PEX6: variants seen among roughly 807,000 people sequenced by gnomAD.
PEX6 encodes peroxisomal biogenesis factor 6.
A neutral mutation model predicts 85.6 loss-of-function variants in PEX6; 55 were observed. The ratio of observed to expected loss-of-function variants is 0.64; its 90% CI spans 0.52 to 0.80. PEX6 has a LOEUF of 0.80. PEX6 is among the 30% of genes least tolerant of loss of function. The pLI is 0.00. For synonymous variants in PEX6, 519 were observed against 549.1 expected (o/e 0.95, Z 0.77); for missense variants, 1,099 against 1,260.3 (o/e 0.87, Z 1.94).
chr6:42,964,087 C>T lies in PEX6; in HGVS notation c.*248G>A, dbSNP rs1231918670. The T allele has an allele frequency of 1.7e-6, 1 of 592,686 alleles. No individual in the cohort carries two copies. The highest frequency in any genetic ancestry group is 2.8e-5 in the East Asian group (1 of 35,270). 36.7% of individuals were successfully genotyped at this position (592,686 alleles called of 1,614,324 possible). ...AATCCCCAGAACCCAAGGCCCTGGC[C>T]CTCTTCCTGAGTAGATGGGCCTTTC... On this transcript the variant is annotated 3_prime_UTR_variant, in exon 17 of 17. Coordinates refer to ENST00000304611, the MANE Select transcript of PEX6 (RefSeq NM_000287.4). The surrounding 1 kb of genome is among the most constrained non-coding windows in gnomAD (Gnocchi z 4.6).
chr6:42,966,527 TG>T lies in PEX6; in HGVS notation c.2091del (p.Lys698ArgfsTer16). 1 of 1,614,140 alleles carries T rather than the reference TG, an allele frequency of 6.2e-7. No individual in the cohort carries two copies. On this transcript the variant is annotated frameshift_variant, in exon 10 of 17. Coordinates refer to ENST00000304611, the MANE Select transcript of PEX6 (RefSeq NM_000287.4). LOFTEE classifies it high-confidence loss of function. ...ACCTCCAAGGACTTGGTCTCCACCT[TG>T]GGGGCTCCAACGGCCTGGGAGTGAG... ...QTAHSQAVGA[P>X]KIPSVSWHDV...
intron 5 of PEX6, 43 bp downstream of exon 5, chr6:42,969,625 T>G: frequency 6.2e-7 from 1 of 1,611,472 alleles, no homozygotes; most frequent in East Asian, 2.2e-5. Flanking sequence ...AGGGATGTTC[T>G]AAGCAGGCTT....
chr6:42,965,832 G>GT lies in PEX6; in HGVS notation c.2363-44dup, dbSNP rs748782882. On this transcript the variant is annotated intron_variant, in intron 12 of 16. Coordinates refer to ENST00000304611, the MANE Select transcript of PEX6 (RefSeq NM_000287.4). This position sits in a 1 kb window ranked among gnomAD's most constrained non-coding sequence, Gnocchi z 5.0. ...CCCACAGGAGGGCAAAGCTCGGCTT[G>GT]TGGGGGGTTGAAGTTAGGTGAGAGC... The GT allele has an allele frequency of 1.1e-5, 17 of 1,556,302 alleles. No individual in the cohort carries two copies. The South Asian group carries it at 1.9e-4, about 17-fold the overall frequency.
rs781648628 is a variant in PEX6 at position 42,965,330 on chromosome 6, T to C, written c.2510A>G (p.His837Arg). ...SQLLAELDGL[H>R]STQDVFVIGA... Reference sequence around the variant, plus strand: ...AATCACAAACACATCCTGAGTGCTGTGCAGCCCATCTAGCTCGGCAAGGAG... The same window carrying C: ...AATCACAAACACATCCTGAGTGCTGCGCAGCCCATCTAGCTCGGCAAGGAG... Residue 837 changes from histidine (H) to arginine (R), a missense_variant, in exon 14 of 17, where the codon CAC (histidine) becomes CGC (arginine). Coordinates refer to ENST00000304611, the MANE Select transcript of PEX6 (RefSeq NM_000287.4). The surrounding 1 kb of genome is among the most constrained non-coding windows in gnomAD (Gnocchi z 5.0). 6.2e-7 allele frequency: 1 copy of C among 1,614,122 alleles called. No homozygotes were observed.
chr6:42,973,651 G>A (rs1181872616), intron 3 of PEX6, among the ~76,000 whole-genome samples: 1 of 151,984 alleles, frequency 6.6e-6, no homozygotes, highest in Non-Finnish European at 1.5e-5. Flanking sequence ...TCAAGAGTTC[G>A]AGCCCAGCCT....
rs1451208528 is a variant in PEX6 at position 42,974,038 on chromosome 6, T to C, written c.1095A>G (p.Val365=). The change falls in exon 3 of 17, where the codon GTA becomes GTG. Residue 365 remains valine (V), a synonymous_variant. Transcript: ENST00000304611. Reference sequence around the variant, plus strand: ...TCTCTGGACTTCCTTCCAGGATCTCTACTTGCCCAATTGTTGGCACACATA... The same window carrying C: ...TCTCTGGACTTCCTTCCAGGATCTCCACTTGCCCAATTGTTGGCACACATA... ...DVLCVPTIGQ[V]EILEGSPEKL... 2 of 1,613,856 alleles carry C rather than the reference T, an allele frequency of 1.2e-6. No homozygotes were observed. The highest frequency in any genetic ancestry group is 4.5e-5 in the East Asian group (2 of 44,888).
In PEX6 at chr6:42,974,865, G is replaced by A; in HGVS notation, c.1046+10C>T. On this transcript the variant is annotated intron_variant, in intron 2 of 16. Coordinates refer to ENST00000304611, the MANE Select transcript of PEX6 (RefSeq NM_000287.4). ...AGAAGCTATCCTCCTTAAAAGGTTA[G>A]GTAGCTAACCTGGGTATCTGAAAGT... 1 of 1,612,614 alleles carries A rather than the reference G, an allele frequency of 6.2e-7. No individual in the cohort carries two copies. Among genetic ancestry groups the A allele is most frequent in the Non-Finnish European group, 8.5e-7 (1 of 1,178,708 alleles).
chr6:42,977,508 T>C (rs935691896), intron 1 of PEX6, among the ~76,000 whole-genome samples: 5 of 152,038 alleles, frequency 3.3e-5, no homozygotes, highest in Non-Finnish European at 5.9e-5. Flanking sequence ...TATGGATCAA[T>C]AGGCCGGGTG....
intron 3 of PEX6, among the ~76,000 whole-genome samples, chr6:42,973,172 C>T (rs566614730): frequency 2.0e-5 from 3 of 151,290 alleles, no homozygotes; most frequent in East Asian, 2.0e-4. Context: ...CCATCACACC[C>T]GGCTAATTTT....
At chr6:42,969,575 C>A in intron 5 of PEX6, 93 bp downstream of exon 5, 2 of 1,495,884 alleles carry the variant, frequency 1.3e-6, no homozygotes, top group Non-Finnish European at 1.9e-6. Flanking sequence ...CCCACTCTGG[C>A]CAGTTCATTA....
In PEX6 at chr6:42,966,301, G is replaced by A. The variant is rs2114239728; in HGVS notation, c.2241C>T (p.Gly747=). Residue 747 remains glycine, a synonymous_variant, in exon 11 of 17, where the codon GGC becomes GGT. Coordinates refer to ENST00000304611, the MANE Select transcript of PEX6 (RefSeq NM_000287.4). ...RSGLLLHGPP[G]TGKTLLAKAV... Reference sequence around the variant, plus strand: ...CCTTGGCCAGAAGGGTCTTGCCGGTGCCAGGGGGCCCATGGAGCAGAAGGC... The same window carrying A: ...CCTTGGCCAGAAGGGTCTTGCCGGTACCAGGGGGCCCATGGAGCAGAAGGC... 1 of 1,612,630 alleles carries A rather than the reference G, an allele frequency of 6.2e-7. No homozygotes were observed. The highest frequency in any genetic ancestry group is 8.5e-7 in the Non-Finnish European group (1 of 1,179,988).
chr6:42,969,725 C>T lies in PEX6; in HGVS notation c.1310G>A (p.Gly437Asp), dbSNP rs771063294. The T allele has an allele frequency of 6.2e-7, 1 of 1,613,474 alleles. No homozygotes were observed. Among genetic ancestry groups the T allele is most frequent in the Admixed American group, 1.7e-5 (1 of 60,018 alleles). The change falls in exon 5 of 17, where the codon GGC becomes GAC. Residue 437 changes from glycine to aspartate, a missense_variant. By Grantham distance (94) the Gly-to-Asp change is moderately conservative. This residue lies in a region of PEX6 where 579 missense variants were observed against 611.6 expected (regional missense o/e 0.95). Coordinates refer to ENST00000304611, the MANE Select transcript of PEX6 (RefSeq NM_000287.4). ...GAGTTCAGACACCAAGGCCTCCAGG[C>T]CTGGAGGAGACAAACTGCTCCAGAG... ...STLWSSLSPP[G>D]LEALVSELCA...
At position 42,978,355 on chromosome 6, in the gene PEX6, G is replaced by A; in HGVS notation, c.796C>T (p.Leu266Phe). 6.2e-7 allele frequency: 1 copy of A among 1,614,238 alleles called. No individual in the cohort carries two copies. The highest frequency in any genetic ancestry group is 1.1e-5 in the South Asian group (1 of 91,084). ...GPGSGPLGEP[L>F]ADGLALVPAT... is the part of the protein sequence containing the mutation. ...GGGACAAGCGCCAGTCCGTCAGCGA[G>A]GGGCTCTCCCAGCGGTCCAGAGCCG... Residue 266 changes from leucine to phenylalanine, a missense_variant, in exon 1 of 17, where the codon CTC becomes TTC. Transcript: ENST00000304611.
chr6:42,969,872 C>T lies in PEX6; in HGVS notation c.1233+13G>A. 1.2e-6 allele frequency: 2 copies of T among 1,614,164 alleles called. No homozygotes were observed. The highest frequency in any genetic ancestry group is 1.7e-6 in the Non-Finnish European group (2 of 1,179,996). On this transcript the variant is annotated intron_variant, in intron 4 of 16. Coordinates refer to ENST00000304611, the MANE Select transcript of PEX6 (RefSeq NM_000287.4). ...CCCCCTGCGCTGGTCTACACCCATC[C>T]TTGGGGCCTCACCATGTACAAGGAG... is the stretch of plus-strand genomic sequence containing the variant.
At chr6:42,974,749 C>T (rs1770215116) in intron 2 of PEX6, 126 bp downstream of exon 2, 9 of 880,912 alleles carry the variant, frequency 1.0e-5, no homozygotes, top group African/African-American at 1.6e-5. Context: ...ACGTGAGCCA[C>T]AGCACCTAGC....
In PEX6 at chr6:42,965,833, T is replaced by TG; in HGVS notation, c.2363-45dup. 6.4e-7 allele frequency: 1 copy of TG among 1,556,982 alleles called. No homozygotes were observed. The highest frequency in any genetic ancestry group is 8.9e-7 in the Non-Finnish European group (1 of 1,128,978). ...CCACAGGAGGGCAAAGCTCGGCTTGTGGGGGGTTGAAGTTAGGTGAGAGCA... is the reference window on the plus strand; with the variant it reads ...CCACAGGAGGGCAAAGCTCGGCTTGTGGGGGGGTTGAAGTTAGGTGAGAGCA... On this transcript the variant is annotated intron_variant, in intron 12 of 16. Transcript: ENST00000304611. This position sits in a 1 kb window ranked among gnomAD's most constrained non-coding sequence, Gnocchi z 5.0.
At position 42,965,269 on chromosome 6, in the gene PEX6, G is replaced by A; in HGVS notation, c.2571C>T (p.Ala857=). 2 of 1,614,002 alleles carry A rather than the reference G, an allele frequency of 1.2e-6. No homozygotes were observed. The highest frequency in any genetic ancestry group is 1.6e-4 in the Middle Eastern group (1 of 6,062). ...ATNRPDLLDP[A]LLRPGRFDKL... ...GGGCCCACCTGCCAGGCCGCAGAAG[G>A]GCAGGGTCCAGGAGATCTGGTCTGT... is the stretch of plus-strand genomic sequence containing the variant. Residue 857 remains alanine (A), a synonymous_variant, in exon 14 of 17, where the codon GCC becomes GCT. Coordinates refer to ENST00000304611, the MANE Select transcript of PEX6 (RefSeq NM_000287.4). The surrounding 1 kb of genome is among the most constrained non-coding windows in gnomAD (Gnocchi z 5.0).
chr6:42,975,339 A>T (rs1348837498), intron 1 of PEX6, among the ~76,000 whole-genome samples: 1 of 152,160 alleles, frequency 6.6e-6, no homozygotes, highest in African/African-American at 2.4e-5. Flanking sequence ...TTCCCACAAG[A>T]CCTATTAGTG....
At chr6:42,977,271 T>TTA (rs1770339165) in intron 1 of PEX6, among the ~76,000 whole-genome samples, 3 of 150,752 alleles carry the variant, frequency 2.0e-5, no homozygotes, top group African/African-American at 4.9e-5. Context: ...TTTTTTTTTT[T>TTA]ACACAGAATT....
Sources: allele counts gnomAD v4.1 joint callset (sites outside exome capture counted in the v4.1 genomes callset), GRCh38; gene constraint gnomAD v4.1.1; regional missense constraint gnomAD v4.1.1; non-coding constraint Gnocchi (gnomAD v3.1); transcripts MANE v1.5; gene names NCBI Gene and HGNC (gene_info 2026-07-23, HGNC 2026-07-21).